The following EIPR1 variants were observed in gnomAD, a reference collection of about 807,000 sequenced individuals.
EIPR1 encodes EARP and GARP complex-interacting protein 1.
In EIPR1, 25 loss-of-function variants were observed where a neutral mutation model predicts 48.1. The ratio of observed to expected loss-of-function variants is 0.52; its 90% CI spans 0.38 to 0.73. The LOEUF (loss-of-function observed/expected upper bound fraction) is 0.73, where lower values mean the gene tolerates loss of function less well. EIPR1 is among the 30% of genes least tolerant of loss of function. The pLI, the probability that EIPR1 is intolerant of heterozygous loss-of-function variation, is 0.00. For missense variants in EIPR1, 415 were observed against 506.2 expected (o/e 0.82, Z 1.73); for synonymous variants, 204 against 201.9 (o/e 1.01, Z -0.09).
intron 4 of EIPR1, among the ~76,000 whole-genome samples, chr2:3,238,109 T>C (rs1219417393): frequency 1.3e-5 from 2 of 152,172 alleles, no homozygotes; most frequent in African/African-American, 4.8e-5. Context: ...TGATCACCTT[T>C]GCATGCACCA....
chr2:3,342,213 C>A (rs1456899492), intron 2 of EIPR1, among the ~76,000 whole-genome samples: 1 of 151,928 alleles, frequency 6.6e-6, no homozygotes, highest in Non-Finnish European at 1.5e-5. Context: ...ATTATTAATA[C>A]CAAAAATGTT....
chr2:3,296,254 ACCC>A (rs1668588572), intron 3 of EIPR1, among the ~76,000 whole-genome samples: 5 of 105,202 alleles, frequency 4.8e-5, no homozygotes, highest in African/African-American at 1.5e-4. Flanking sequence ...ACACACAGAC[ACCC>A]TCCATCCAGC....
chr2:3,320,568 T>C (rs1042166228), intron 3 of EIPR1: 5 of 152,280 alleles, frequency 3.3e-5, no homozygotes, highest in African/African-American at 7.2e-5. Flanking sequence ...GCAATGAAAC[T>C]CACAGTTTAT....
intron 5 of EIPR1, among the ~76,000 whole-genome samples, chr2:3,206,542 C>T (rs1342857206): frequency 6.6e-6 from 1 of 152,136 alleles, no homozygotes; most frequent in Non-Finnish European, 1.5e-5. Context: ...ACAGGATGTG[C>T]CGTTTTAAAC....
At chr2:3,241,843 A>G (rs1036804616) in intron 4 of EIPR1, among the ~76,000 whole-genome samples, 8 of 152,226 alleles carry the variant, frequency 5.3e-5, no homozygotes, top group African/African-American at 1.7e-4. Flanking sequence ...GGCAGGTTTC[A>G]TGCTGATCAA....
At chr2:3,360,388 G>A (rs1224257627) in intron 1 of EIPR1, among the ~76,000 whole-genome samples, 1 of 148,234 alleles carries the variant, frequency 6.7e-6, no homozygotes, top group Non-Finnish European at 1.5e-5. Flanking sequence ...TAGGCGACAA[G>A]AGTGAGACTC....
rs116176280 is a variant in EIPR1, at chr2:3,275,037, A to C, written c.260-17582T>G. Among the ~76,000 whole-genome samples the C allele has an allele frequency of 3.5e-3, 532 of 151,332 alleles. 4 individuals carry two copies. Among genetic ancestry groups the C allele is most frequent in the African/African-American group, 0.012 (510 of 41,316 alleles). On this transcript the variant is annotated intron_variant, in intron 3 of 8. Transcript: ENST00000382125. ...AAGTAAGATGAAAGAAAGTTGTACC[A>C]AAAAAAAAGTATAAAATAAGATGAC...
rs1222605632 is a variant in EIPR1, at chr2:3,189,322, C to A, written c.*12G>T. ...ACCACTCAATGGGACCTGGATAACC[C>A]AGGCCCGGGAGTCATAGCAGGATGT... On this transcript the variant is annotated 3_prime_UTR_variant, in exon 9 of 9. Coordinates refer to ENST00000382125, the MANE Select transcript of EIPR1 (RefSeq NM_003310.5). The surrounding 1 kb of genome is among the most constrained non-coding windows in gnomAD (Gnocchi z 4.6). 1 of 1,565,474 alleles carries A rather than the reference C, an allele frequency of 6.4e-7. No individual in the cohort carries two copies. The highest frequency in any genetic ancestry group is 8.7e-7 in the Non-Finnish European group (1 of 1,146,516).
At chr2:3,214,767 C>T (rs1435019590) in intron 4 of EIPR1, among the ~76,000 whole-genome samples, 4 of 152,108 alleles carry the variant, frequency 2.6e-5, no homozygotes, top group Non-Finnish European at 4.4e-5. Flanking sequence ...GTATGGGACT[C>T]GAAATGCAAT....
At chr2:3,321,628 C>A (rs1161995964) in intron 3 of EIPR1, among the ~76,000 whole-genome samples, 2 of 152,236 alleles carry the variant, frequency 1.3e-5, no homozygotes, top group African/African-American at 4.8e-5. Context: ...ACTTTCTTCT[C>A]ATTTGGTGCA....
At chr2:3,279,704 G>C (rs1414338534) in intron 3 of EIPR1, among the ~76,000 whole-genome samples, 1 of 152,260 alleles carries the variant, frequency 6.6e-6, no homozygotes, top group East Asian at 1.9e-4. Context: ...CGAGGGTCGG[G>C]ACAGCGGCCT....
At chr2:3,210,566 G>C (rs904648534) in intron 5 of EIPR1, among the ~76,000 whole-genome samples, 10 of 151,764 alleles carry the variant, frequency 6.6e-5, no homozygotes, top group African/African-American at 2.4e-4. Context: ...GAGTCGAGGA[G>C]GTCCCGGTGC....
rs1415153479 is a variant in EIPR1 at position 3,331,152 on chromosome 2, CATGAG to C, written c.259+6860_259+6864del. On this transcript the variant is annotated intron_variant, in intron 3 of 8. Transcript: ENST00000382125. ...GAGCAGAAGCAGGCGTGTGCACACT[CATGAG>C]ATGGTGTGAGCAGAGGCAGGTGTAC... 7.6e-5 allele frequency among the ~76,000 whole-genome samples: 10 copies of C among 131,456 alleles called. 1 individual carries two copies. The highest frequency in any genetic ancestry group is 6.8e-5 in the Non-Finnish European group (4 of 58,572). The allele number at this position is 131,456 out of a possible 152,430, so 86.2% of individuals were successfully genotyped here.
intron 5 of EIPR1, among the ~76,000 whole-genome samples, chr2:3,201,465 G>C (rs1220650006): frequency 6.6e-6 from 1 of 152,212 alleles, no homozygotes; most frequent in African/African-American, 2.4e-5. Flanking sequence ...TTGCGGCAAG[G>C]GTGCAGCTTT....
At chr2:3,344,353 T>C (rs1670339118) in intron 2 of EIPR1, among the ~76,000 whole-genome samples, 1 of 152,242 alleles carries the variant, frequency 6.6e-6, no homozygotes, top group African/African-American at 2.4e-5. Flanking sequence ...CCCATATCGC[T>C]GCTTTTCTTT....
intron 1 of EIPR1, among the ~76,000 whole-genome samples, chr2:3,370,020 G>A (rs1170713706): frequency 3.9e-5 from 6 of 152,132 alleles, no homozygotes; most frequent in African/African-American, 1.2e-4. Context: ...TCACACGGCC[G>A]GGTACTCCTC....
intron 3 of EIPR1, among the ~76,000 whole-genome samples, chr2:3,272,472 T>C (rs1241890235): frequency 3.9e-5 from 6 of 152,218 alleles, no homozygotes; most frequent in African/African-American, 1.2e-4. Flanking sequence ...GAGGCCATTA[T>C]AGGGTTATTA....
rs115441600 is a variant in EIPR1, at chr2:3,202,612, G to A, written c.517-5595C>T. Among the ~76,000 whole-genome samples, 650 of 152,272 alleles carry A rather than the reference G, an allele frequency of 4.3e-3. 7 individuals carry two copies. Among genetic ancestry groups the A allele is most frequent in the Middle Eastern group, 0.017 (5 of 294 alleles). On this transcript the variant is annotated intron_variant, in intron 5 of 8. Transcript: ENST00000382125. ...CAAGTTCTTGATGACTCGTGTGTGC[G>A]AAACACCACAGGGCCATTCCAGAAG...
chr2:3,250,539 G>A (rs1221232611), intron 4 of EIPR1, among the ~76,000 whole-genome samples: 2 of 152,156 alleles, frequency 1.3e-5, no homozygotes, highest in African/African-American at 2.4e-5. Context: ...GGGGACTACT[G>A]GAAAGAGATG....
Sources: gnomAD v4.1 joint callset for allele counts (sites outside exome capture counted in the v4.1 genomes callset) on GRCh38, gnomAD v4.1.1 for gene constraint, Gnocchi (gnomAD v3.1) non-coding constraint, MANE v1.5 for transcripts, NCBI Gene and HGNC (gene_info 2026-07-23, HGNC 2026-07-21) for gene names.